CRTC3: variants seen among roughly 807,000 people sequenced by gnomAD.
The protein encoded by CRTC3 is CREB-regulated transcription coactivator 3.
A neutral mutation model predicts 74.5 loss-of-function variants in CRTC3; 26 were observed. The observed-to-expected ratio is 0.35, with a 90% CI of 0.26 to 0.48. The LOEUF (loss-of-function observed/expected upper bound fraction) is 0.48. Ranked by LOEUF, CRTC3 falls within the 20% of genes least tolerant of loss-of-function variation. The pLI is 0.99. For synonymous variants in CRTC3, 377 were observed against 325.8 expected, an observed-to-expected ratio of 1.16 and a Z score of -1.69; for missense variants, 760 against 787.3, an observed-to-expected ratio of 0.97 and a Z score of 0.41.
intron 2 of CRTC3, among the ~76,000 whole-genome samples, chr15:90,583,565 G>A (rs373118303): frequency 3.9e-5 from 6 of 152,264 alleles, no homozygotes; most frequent in East Asian, 1.9e-4. Flanking sequence ...GTGGTTCAAG[G>A]GCTCTGAAAG....
At chr15:90,586,676 A>G (rs1165454713) in intron 2 of CRTC3, among the ~76,000 whole-genome samples, 1 of 152,142 alleles carries the variant, frequency 6.6e-6, no homozygotes, top group Non-Finnish European at 1.5e-5. Context: ...AACTTCTTAC[A>G]TGGAAGGATG....
Position 90,554,847 on chromosome 15 carries a change from G to T in CRTC3, c.231+14710G>T, listed in dbSNP as rs78670554. 6.8e-3 allele frequency among the ~76,000 whole-genome samples: 1,037 copies of T among 152,310 alleles called. 4 individuals carry two copies. Among genetic ancestry groups the T allele is most frequent in the Non-Finnish European group, 0.011 (741 of 68,032 alleles). On this transcript the variant is annotated intron_variant, in intron 2 of 14. Coordinates refer to ENST00000268184, the MANE Select transcript of CRTC3 (RefSeq NM_022769.5). The stretch of plus-strand genomic sequence containing the variant: ...AGTGTTGTACTCCACTATGGGTTGG[G>T]TTACAAGTTATGTTTCTTACTAAAA...
At chr15:90,583,644 G>A (rs1247988330) in intron 2 of CRTC3, among the ~76,000 whole-genome samples, 3 of 152,018 alleles carry the variant, frequency 2.0e-5, no homozygotes, top group Non-Finnish European at 4.4e-5. Flanking sequence ...GGCTGCTGGG[G>A]GAAAAGCCTT....
intron 2 of CRTC3, among the ~76,000 whole-genome samples, chr15:90,593,020 G>C (rs1005553033): frequency 6.6e-6 from 1 of 152,138 alleles, no homozygotes; most frequent in Non-Finnish European, 1.5e-5. Context: ...GGGCGTGGTG[G>C]CGCACATCTG....
intron 1 of CRTC3, among the ~76,000 whole-genome samples, chr15:90,539,140 A>G (rs542907470): frequency 2.0e-5 from 3 of 152,342 alleles, no homozygotes; most frequent in East Asian, 1.9e-4. Context: ...TTTCTTCTCT[A>G]TATGAATTAT....
chr15:90,630,119 T>C (rs1477333746), intron 11 of CRTC3, among the ~76,000 whole-genome samples: 1 of 152,172 alleles, frequency 6.6e-6, no homozygotes, highest in Non-Finnish European at 1.5e-5. Flanking sequence ...ACTCACAAAC[T>C]TGGGGTTGAG....
At chr15:90,633,096 G>A (rs1186656082) in intron 11 of CRTC3, among the ~76,000 whole-genome samples, 1 of 152,180 alleles carries the variant, frequency 6.6e-6, no homozygotes, top group Non-Finnish European at 1.5e-5. Flanking sequence ...TTTGGTTAGA[G>A]CAATACTCAA....
At chr15:90,543,344 C>T (rs568721868) in intron 2 of CRTC3, among the ~76,000 whole-genome samples, 21 of 151,468 alleles carry the variant, frequency 1.4e-4, no homozygotes, top group African/African-American at 4.8e-4. Context: ...CAGGCTTCCC[C>T]ATTTAAAGTA....
chr15:90,576,253 TAATAC>T (rs1202769010), intron 2 of CRTC3, among the ~76,000 whole-genome samples: 1 of 151,932 alleles, frequency 6.6e-6, no homozygotes, highest in African/African-American at 2.4e-5. Context: ...TATAAATAAA[TAATAC>T]AATACAATAA....
chr15:90,559,715 C>G (rs186412973), intron 2 of CRTC3, among the ~76,000 whole-genome samples: 26 of 152,308 alleles, frequency 1.7e-4, no homozygotes, highest in Admixed American at 7.2e-4. Context: ...ACCTCTGCTT[C>G]CCGGGCTCAA....
intron 2 of CRTC3, among the ~76,000 whole-genome samples, chr15:90,549,860 G>A (rs1966851488): frequency 6.6e-6 from 1 of 151,202 alleles, no homozygotes; most frequent in African/African-American, 2.4e-5. Context: ...CTGCCACCAT[G>A]CCCGGCTCAT....
intron 2 of CRTC3, among the ~76,000 whole-genome samples, chr15:90,575,410 A>G (rs1169957966): frequency 1.3e-5 from 2 of 152,160 alleles, no homozygotes; most frequent in Admixed American, 1.3e-4. Flanking sequence ...TATAGTTAGA[A>G]AGTTATCTTC....
At chr15:90,599,887 G>A (rs931022143) in intron 3 of CRTC3, among the ~76,000 whole-genome samples, 4 of 152,214 alleles carry the variant, frequency 2.6e-5, no homozygotes, top group African/African-American at 9.7e-5. Flanking sequence ...CTGAAATTAA[G>A]CGTTTCTGAA....
chr15:90,564,560 C>G (rs1967081978), intron 2 of CRTC3, among the ~76,000 whole-genome samples: 1 of 152,180 alleles, frequency 6.6e-6, no homozygotes, highest in Non-Finnish European at 1.5e-5. Flanking sequence ...GGCCCCGAGA[C>G]TAGTCCCTGC....
intron 4 of CRTC3, among the ~76,000 whole-genome samples, chr15:90,602,745 GCGGGCAGATCACAAGGT>G (rs1968105533): frequency 6.6e-6 from 1 of 152,174 alleles, no homozygotes; most frequent in South Asian, 2.1e-4. Context: ...GGAGGCTGAG[GCGGGCAGATCACAAGGT>G]CAGGAGATTG....
chr15:90,539,855 C>T (rs1776683029), intron 1 of CRTC3, 184 bp from the exon 2 acceptor site: 4 of 581,636 alleles, frequency 6.9e-6, no homozygotes, highest in Non-Finnish European at 1.2e-5. Context: ...TAAGCTCTTT[C>T]CGAAAATAGA....
chr15:90,541,262 T>C (rs1018231404), intron 2 of CRTC3, among the ~76,000 whole-genome samples: 1 of 152,232 alleles, frequency 6.6e-6, no homozygotes, highest in African/African-American at 2.4e-5. Context: ...GAAGCATTAA[T>C]TGATTGTTTG....
At chr15:90,545,189 A>G (rs1470588464) in intron 2 of CRTC3, among the ~76,000 whole-genome samples, 1 of 152,080 alleles carries the variant, frequency 6.6e-6, no homozygotes, top group East Asian at 1.9e-4. Context: ...CTTCCTTTTC[A>G]AGGCTGAGTA....
At chr15:90,564,320 A>G (rs1967076045) in intron 2 of CRTC3, among the ~76,000 whole-genome samples, 1 of 152,196 alleles carries the variant, frequency 6.6e-6, no homozygotes, top group African/African-American at 2.4e-5. Flanking sequence ...AGAAAAAAGA[A>G]ACCATTTCCT....
Sources: gnomAD v4.1 joint callset for allele counts (sites outside exome capture counted in the v4.1 genomes callset) on GRCh38, gnomAD v4.1.1 for gene constraint, MANE v1.5 for transcripts, NCBI Gene and HGNC (gene_info 2026-07-23, HGNC 2026-07-21) for gene names.